The following EYA2 variants were observed in gnomAD, a reference collection of about 807,000 sequenced individuals.
The protein encoded by EYA2 is protein phosphatase EYA2.
EYA2 carries 31 observed loss-of-function variants against 69.2 expected under a neutral mutation model. That is an observed-to-expected ratio of 0.45 (90% CI 0.34 to 0.60). The LOEUF (loss-of-function observed/expected upper bound fraction) is 0.60. EYA2 is among the 20% of genes least tolerant of loss of function. EYA2 has a pLI of 0.02. For synonymous variants in EYA2, 257 were observed against 279.4 expected, an observed-to-expected ratio of 0.92 and a Z score of 0.80; for missense variants, 622 against 701.2, an observed-to-expected ratio of 0.89 and a Z score of 1.28.
chr20:47,124,242 A>T (rs781319417), intron 9 of EYA2, among the ~76,000 whole-genome samples: 4 of 152,114 alleles, frequency 2.6e-5, no homozygotes, highest in Non-Finnish European at 4.4e-5. Context: ...AAAGGGTTAC[A>T]CCCTTATCTG....
At chr20:47,002,673 G>A (rs1982454756) in intron 3 of EYA2, among the ~76,000 whole-genome samples, 1 of 152,140 alleles carries the variant, frequency 6.6e-6, no homozygotes, top group African/African-American at 2.4e-5. Flanking sequence ...ACATATGCGT[G>A]CATGCATCCT....
chr20:47,167,286 T>TTTTTTC (rs2034220019), intron 10 of EYA2, among the ~76,000 whole-genome samples: 1 of 143,270 alleles, frequency 7.0e-6, no homozygotes, highest in African/African-American at 2.6e-5. Context: ...TTTACTTTTT[T>TTTTTTC]TTTTTTTTTT....
chr20:47,188,273 T>C lies in EYA2; in HGVS notation c.*140T>C. The C allele has an allele frequency of 1.4e-6, 1 of 723,620 alleles. No homozygotes were observed. The highest frequency in any genetic ancestry group is 2.4e-6 in the Non-Finnish European group (1 of 424,808). The allele number at this position is 723,620 out of a possible 1,614,324, so 44.8% of individuals were successfully genotyped here. A position where few individuals can be genotyped will look rare whatever the true frequency, so the allele number is the denominator to read the frequency against. On this transcript the variant is annotated 3_prime_UTR_variant, in exon 16 of 16. Transcript: ENST00000327619. ...GCCGAGACGACGTGTCCAGTGACCA[T>C]CTCAGAAGCCGTCCATCAGTCCAAA...
rs564378187 is a variant in EYA2, at chr20:47,085,896, GT to G, written c.662-3340del. On this transcript the variant is annotated intron_variant, in intron 7 of 15. Coordinates refer to ENST00000327619, the MANE Select transcript of EYA2 (RefSeq NM_005244.5). ...AGGAAATTCTTGGGGTGCTGGATTT[GT>G]TTATTATGTTGATTGTGGCAATGGC... Among the ~76,000 whole-genome samples, 14 of 152,282 alleles carry G rather than the reference GT, an allele frequency of 9.2e-5. 1 individual carries two copies. In the East Asian group the frequency reaches 2.7e-3, roughly 29 times the overall value.
At chr20:46,992,222 G>C (rs1210285609) in intron 2 of EYA2, among the ~76,000 whole-genome samples, 1 of 152,128 alleles carries the variant, frequency 6.6e-6, no homozygotes, top group Non-Finnish European at 1.5e-5. Context: ...TCCCAGCATT[G>C]CTCTATTAAC....
At chr20:46,968,699 A>G (rs1979940363) in intron 1 of EYA2, among the ~76,000 whole-genome samples, 1 of 152,126 alleles carries the variant, frequency 6.6e-6, no homozygotes, top group Non-Finnish European at 1.5e-5. Context: ...ACCGGATGCC[A>G]ATAGCACCCT....
At chr20:47,153,763 A>T (rs760255819) in intron 10 of EYA2, among the ~76,000 whole-genome samples, 16 of 151,998 alleles carry the variant, frequency 1.1e-4, no homozygotes, top group Non-Finnish European at 1.3e-4. Flanking sequence ...AGTGCCATCC[A>T]CTAAGAGGCC....
chr20:46,973,475 A>C (rs1402753820), intron 1 of EYA2, among the ~76,000 whole-genome samples: 1 of 152,238 alleles, frequency 6.6e-6, no homozygotes, highest in African/African-American at 2.4e-5. Flanking sequence ...TTGAATGTGG[A>C]CTGTGTTCAC....
intron 1 of EYA2, among the ~76,000 whole-genome samples, chr20:46,956,228 C>G (rs948178745): frequency 3.3e-5 from 5 of 152,104 alleles, no homozygotes; most frequent in Admixed American, 3.3e-4. Context: ...GATTTTTTGC[C>G]CATCAGTGAT....
chr20:47,040,270 A>G (rs533596947), intron 5 of EYA2, among the ~76,000 whole-genome samples: 3 of 152,332 alleles, frequency 2.0e-5, no homozygotes, highest in South Asian at 4.1e-4. Flanking sequence ...AATTCATTTC[A>G]TACACACTAG....
At chr20:46,962,020 TTTC>T (rs1979507125) in intron 1 of EYA2, among the ~76,000 whole-genome samples, 2 of 152,176 alleles carry the variant, frequency 1.3e-5, no homozygotes, top group Admixed American at 6.5e-5. Context: ...GCAGATTTTC[TTTC>T]TTTCTTTCTT....
chr20:47,153,366 C>T (rs576714554), intron 10 of EYA2, among the ~76,000 whole-genome samples: 3 of 151,938 alleles, frequency 2.0e-5, no homozygotes, highest in South Asian at 4.2e-4. Flanking sequence ...GGAGGCCAAG[C>T]GCAGTGGCTC....
At chr20:47,135,572 C>T (rs570525711) in intron 9 of EYA2, among the ~76,000 whole-genome samples, 154 of 151,878 alleles carry the variant, frequency 1.0e-3, no homozygotes, top group Non-Finnish European at 1.8e-3. Context: ...GTCACATAAA[C>T]CAGTTTCAGG....
intron 14 of EYA2, among the ~76,000 whole-genome samples, chr20:47,181,214 A>C (rs2034531531): frequency 6.6e-6 from 1 of 152,244 alleles, no homozygotes; most frequent in African/African-American, 2.4e-5. Context: ...AAGGGCTTGC[A>C]AAAGAGTCAA....
At chr20:47,104,371 A>G (rs1044940922) in intron 9 of EYA2, among the ~76,000 whole-genome samples, 7 of 152,134 alleles carry the variant, frequency 4.6e-5, no homozygotes, top group African/African-American at 1.7e-4. Flanking sequence ...TTTCTCTCTC[A>G]TTCTGTGAGT....
intron 9 of EYA2, among the ~76,000 whole-genome samples, chr20:47,109,603 G>A (rs369934483): frequency 1.9e-4 from 29 of 152,040 alleles, no homozygotes; most frequent in African/African-American, 6.8e-4. Flanking sequence ...CGCTAGTCTC[G>A]AACTCCAGGG....
At chr20:46,959,955 G>A (rs552534905) in intron 1 of EYA2, among the ~76,000 whole-genome samples, 1 of 152,316 alleles carries the variant, frequency 6.6e-6, no homozygotes, top group African/African-American at 2.4e-5. Context: ...TCTGTCGCCT[G>A]ATTTTTCATG....
At chr20:46,987,927 T>TCC (rs1981347619) in intron 1 of EYA2, among the ~76,000 whole-genome samples, 1 of 22,634 alleles carries the variant, frequency 4.4e-5, no homozygotes, top group African/African-American at 1.8e-4. Context: ...TCTCTCTCTC[T>TCC]CTCTCTCTCT....
chr20:47,089,581 G>A (rs185477272), intron 8 of EYA2, among the ~76,000 whole-genome samples, 200 bp downstream of exon 8: 144 of 152,364 alleles, frequency 9.5e-4, no homozygotes, highest in African/African-American at 3.3e-3. Context: ...AACTGAAGCA[G>A]CATCAGAATC....
Sources: gnomAD v4.1 joint callset for allele counts (sites outside exome capture counted in the v4.1 genomes callset) on GRCh38, gnomAD v4.1.1 for gene constraint, MANE v1.5 for transcripts, NCBI Gene and HGNC (gene_info 2026-07-23, HGNC 2026-07-21) for gene names.